Variants in PRRC2B observed in about 807,000 individuals in gnomAD.
PRRC2B encodes protein PRRC2B.
PRRC2B carries 68 observed loss-of-function variants against 242.3 expected under a neutral mutation model. The ratio of observed to expected loss-of-function variants is 0.28; its 90% CI spans 0.23 to 0.34. The LOEUF (loss-of-function observed/expected upper bound fraction) is 0.34, where lower values mean the gene tolerates loss of function less well. Ranked by LOEUF, PRRC2B falls within the 10% of genes least tolerant of loss-of-function variation. The probability of loss-of-function intolerance (pLI) is 1.00; values close to 1 mark genes in which losing one functional copy is unlikely to be tolerated. For missense variants in PRRC2B, 2,835 were observed against 2,954.8 expected, an observed-to-expected ratio of 0.96 and a Z score of 0.94; for synonymous variants, 1,228 against 1,173.6, an observed-to-expected ratio of 1.05 and a Z score of -0.95.
chr9:131,481,331 AAG>A (rs1943859976), intron 19 of PRRC2B, among the ~76,000 whole-genome samples: 3 of 150,902 alleles, frequency 2.0e-5, no homozygotes, highest in East Asian at 1.9e-4. Flanking sequence ...AAAAAAAAAA[AAG>A]AAAGATATAT....
intron 9 of PRRC2B, among the ~76,000 whole-genome samples, chr9:131,451,554 T>C (rs1325404242): frequency 6.6e-6 from 1 of 152,242 alleles, no homozygotes; most frequent in East Asian, 1.9e-4. Context: ...ATTGTCTTTT[T>C]CAGATTACGT....
chr9:131,445,605 A>G (rs1838774174), intron 6 of PRRC2B, among the ~76,000 whole-genome samples: 1 of 152,216 alleles, frequency 6.6e-6, no homozygotes, highest in African/African-American at 2.4e-5. Context: ...GAAAACATGG[A>G]CAGAGGGGTG....
At position 131,496,899 on chromosome 9, in the gene PRRC2B, C is replaced by T. The variant is rs945132568; in HGVS notation, c.*1025C>T. 12 of 152,424 alleles carry T rather than the reference C, an allele frequency of 7.9e-5. No individual in the cohort carries two copies. The highest frequency in any genetic ancestry group is 2.9e-4 in the African/African-American group (12 of 41,596). The allele number at this position is 152,424 out of a possible 1,614,324, so 9.4% of individuals were successfully genotyped here. ...TGCTTCTGGGGCTCCATACCCTGCC[C>T]TGCAGGGGTGCTGTGTTTTTCACAC... On this transcript the variant is annotated 3_prime_UTR_variant, in exon 32 of 32. Coordinates refer to ENST00000683519, the MANE Select transcript of PRRC2B (RefSeq NM_013318.4).
chr9:131,406,785 C>T (rs956959478), intron 1 of PRRC2B, among the ~76,000 whole-genome samples: 21 of 152,104 alleles, frequency 1.4e-4, no homozygotes, highest in African/African-American at 4.8e-4. Flanking sequence ...GTAACAGTTA[C>T]AATACAGGCG....
intron 10 of PRRC2B, among the ~76,000 whole-genome samples, chr9:131,458,344 C>T (rs1021553624): frequency 6.6e-6 from 1 of 152,110 alleles, no homozygotes; most frequent in Admixed American, 6.5e-5. Flanking sequence ...TGATGAGACT[C>T]AGCTACTGAC....
upstream of PRRC2B, among the ~76,000 whole-genome samples, chr9:131,390,080 A>G (rs1396873755): frequency 2.0e-5 from 3 of 148,954 alleles, no homozygotes; most frequent in African/African-American, 4.9e-5. Context: ...ACGCCTGGCT[A>G]GTTTTTGTAT....
At position 131,475,703 on chromosome 9, in the gene PRRC2B, G is replaced by A. The variant is rs1943672986; in HGVS notation, c.3574G>A (p.Asp1192Asn). 6 of 1,613,050 alleles carry A rather than the reference G, an allele frequency of 3.7e-6. No individual in the cohort carries two copies. In the East Asian group the frequency reaches 1.3e-4, roughly 36 times the overall value. Residue 1192 changes from aspartate (D) to asparagine (N), a missense_variant, in exon 16 of 32, where the codon GAT becomes AAT. This residue lies in a region of PRRC2B where 1,536 missense variants were observed against 1,483.1 expected (regional missense o/e 1.04). Coordinates refer to ENST00000683519, the MANE Select transcript of PRRC2B (RefSeq NM_013318.4). ...GTGCTCTGAGGACCACAGCGGTCTA[G>A]ATGCCAAGAGCCGAGGCCCTCGGGC... ...KGCSEDHSGL[D>N]AKSRGPRAFG...
chr9:131,406,282 A>G (rs1319457930), intron 1 of PRRC2B, among the ~76,000 whole-genome samples: 2 of 152,212 alleles, frequency 1.3e-5, no homozygotes, highest in Non-Finnish European at 2.9e-5. Flanking sequence ...GGGCAGGTGC[A>G]TCAGGGCTCT....
chr9:131,467,802 G>A (rs751281447), intron 13 of PRRC2B, 49 bp downstream of exon 13: 7 of 1,581,078 alleles, frequency 4.4e-6, no homozygotes, highest in East Asian at 4.5e-5. Flanking sequence ...CCTGAGTGCC[G>A]AGCAGATGTT....
intron 18 of PRRC2B, among the ~76,000 whole-genome samples, chr9:131,478,831 T>G (rs1456845456): frequency 1.3e-5 from 2 of 152,174 alleles, no homozygotes; most frequent in Non-Finnish European, 2.9e-5. Flanking sequence ...ATCACTGTTA[T>G]GCAGTGGAAG....
intron 1 of PRRC2B, among the ~76,000 whole-genome samples, chr9:131,407,924 C>T (rs542619329): frequency 1.3e-5 from 2 of 152,336 alleles, no homozygotes; most frequent in East Asian, 3.9e-4. Context: ...CTCTCTGCAG[C>T]TGTAATGTTT....
Position 131,487,149 on chromosome 9 carries a change from C to G in PRRC2B, c.5857-18C>G. 6.2e-7 allele frequency: 1 copy of G among 1,612,504 alleles called. No individual in the cohort carries two copies. Among genetic ancestry groups the G allele is most frequent in the Non-Finnish European group, 8.5e-7 (1 of 1,179,440 alleles). The stretch of plus-strand genomic sequence containing the variant: ...GGGCCTTGCGGTTACCTCCCCGACC[C>G]CGTTTTCCCGTTCACAGGCCGCCGC... On this transcript the variant is annotated intron_variant, in intron 26 of 31. Transcript: ENST00000683519. This position sits in a 1 kb window ranked among gnomAD's most constrained non-coding sequence, Gnocchi z 5.3.
chr9:131,413,961 CGCCGG>C (rs1325812325), intron 1 of PRRC2B, among the ~76,000 whole-genome samples: 1 of 152,216 alleles, frequency 6.6e-6, no homozygotes, highest in African/African-American at 2.4e-5. Flanking sequence ...TAAGCCACCA[CGCCGG>C]GCCTTAATCA....
intron 5 of PRRC2B, among the ~76,000 whole-genome samples, chr9:131,443,112 A>T (rs1362950223): frequency 2.0e-5 from 3 of 147,074 alleles, no homozygotes; most frequent in Non-Finnish European, 3.0e-5. Flanking sequence ...ATTTTATTTT[A>T]TTTATTTTAT....
chr9:131,473,447 C>G, intron 14 of PRRC2B, 61 bp from the exon 15 acceptor site: 5 of 1,335,666 alleles, frequency 3.7e-6, no homozygotes, highest in East Asian at 2.5e-5. Context: ...TTTGGTTGAC[C>G]CTGAGATTGG....
intron 1 of PRRC2B, among the ~76,000 whole-genome samples, chr9:131,403,498 C>T (rs919653845): frequency 6.6e-6 from 1 of 151,596 alleles, no homozygotes; most frequent in Non-Finnish European, 1.5e-5. Flanking sequence ...AGTACAGGTG[C>T]ATCCCGCCAC....
chr9:131,397,731 T>G (rs1235805569), intron 1 of PRRC2B, among the ~76,000 whole-genome samples: 1 of 152,102 alleles, frequency 6.6e-6, no homozygotes, highest in Non-Finnish European at 1.5e-5. Flanking sequence ...ATTCATGTAT[T>G]TCTGAATTCA....
intron 13 of PRRC2B, among the ~76,000 whole-genome samples, chr9:131,469,340 T>A (rs1001100086): frequency 2.1e-5 from 3 of 139,952 alleles, no homozygotes; most frequent in African/African-American, 7.6e-5. Flanking sequence ...TCTCAAAAAA[T>A]AAAATAAAAT....
chr9:131,412,977 C>T (rs964629170), intron 1 of PRRC2B, among the ~76,000 whole-genome samples: 5 of 152,014 alleles, frequency 3.3e-5, no homozygotes, highest in Admixed American at 2.6e-4. Flanking sequence ...AAAGATTTTC[C>T]TCTTCATCTA....
Sources: allele counts gnomAD v4.1 joint callset (sites outside exome capture counted in the v4.1 genomes callset), GRCh38; gene constraint gnomAD v4.1.1; regional missense constraint gnomAD v4.1.1; non-coding constraint Gnocchi (gnomAD v3.1); transcripts MANE v1.5; gene names NCBI Gene and HGNC (gene_info 2026-07-23, HGNC 2026-07-21).